NTF3: variants seen among roughly 807,000 people sequenced by gnomAD.
NTF3 encodes neurotrophin-3.
In NTF3, 8 loss-of-function variants were observed where a neutral mutation model predicts 26.3. The observed-to-expected ratio is 0.30, with a 90% CI of 0.18 to 0.55. The LOEUF is 0.55. Ranked by LOEUF, NTF3 falls within the 20% of genes least tolerant of loss-of-function variation. The pLI, the probability that NTF3 is intolerant of heterozygous loss-of-function variation, is 0.93. For missense variants in NTF3, 276 were observed against 352.9 expected (o/e 0.78, Z 1.75); for synonymous variants, 154 against 145.5 (o/e 1.06, Z -0.42).
intron 1 of NTF3, among the ~76,000 whole-genome samples, chr12:5,470,914 A>G (rs1214112815): frequency 1.3e-5 from 2 of 152,192 alleles, no homozygotes; most frequent in Non-Finnish European, 2.9e-5. Context: ...ATACATATGT[A>G]TGTCTCTCAG....
intron 1 of NTF3, among the ~76,000 whole-genome samples, chr12:5,463,070 A>G (rs532291039): frequency 6.6e-6 from 1 of 152,278 alleles, no homozygotes; most frequent in African/African-American, 2.4e-5. Flanking sequence ...GAAGACTGGA[A>G]AGTGGTCTGC....
chr12:5,450,945 C>G (rs951588862), intron 1 of NTF3, among the ~76,000 whole-genome samples: 1 of 152,168 alleles, frequency 6.6e-6, no homozygotes, highest in Non-Finnish European at 1.5e-5. Context: ...GACTGAGTAA[C>G]TCATCCAAGA....
At chr12:5,440,163 TAAG>T (rs1227013094) in intron 1 of NTF3, among the ~76,000 whole-genome samples, 2 of 152,220 alleles carry the variant, frequency 1.3e-5, no homozygotes, top group Middle Eastern at 3.2e-3. Context: ...TCAAGACAGT[TAAG>T]GACAGGTGAC....
Position 5,494,685 on chromosome 12 carries a change from G to C in NTF3, c.510G>C (p.Leu170=). 6.2e-7 allele frequency: 1 copy of C among 1,614,216 alleles called. No homozygotes were observed. The highest frequency in any genetic ancestry group is 8.5e-7 in the Non-Finnish European group (1 of 1,180,050). Residue 170 remains leucine, a synonymous_variant, in exon 2 of 2, where the codon CTG becomes CTC. Transcript: ENST00000423158. This position sits in a 1 kb window ranked among gnomAD's most constrained non-coding sequence, Gnocchi z 8.3. ...GEYSVCDSES[L]WVTDKSSAID... ...ACTCGGTATGTGACAGTGAGAGTCT[G>C]TGGGTGACCGACAAGTCATCGGCCA...
intron 1 of NTF3, among the ~76,000 whole-genome samples, chr12:5,435,561 G>A (rs536558799): frequency 2.0e-5 from 3 of 152,154 alleles, no homozygotes; most frequent in South Asian, 2.1e-4. Context: ...GGAGCTGGAC[G>A]GTGTTGTTGT....
Position 5,432,148 on chromosome 12 carries a change from G to A in NTF3, c.-177G>A. 1 of 722,922 alleles carries A rather than the reference G, an allele frequency of 1.4e-6. No individual in the cohort carries two copies. The highest frequency in any genetic ancestry group is 1.7e-5 in the African/African-American group (1 of 57,776). 44.8% of individuals were successfully genotyped at this position (722,922 alleles called of 1,614,324 possible). A position where few individuals can be genotyped will look rare whatever the true frequency, so the allele number is the denominator to read the frequency against. ...TCCTCTCCCTTCCGAACAGCTCCGC[G>A]CACCGCCCCGCGACGCAGCCCGGCG... On this transcript the variant is annotated 5_prime_UTR_variant, in exon 1 of 2. Transcript: ENST00000423158.
chr12:5,432,556 T>TACAC lies in NTF3; in HGVS notation c.18+262_18+265dup, dbSNP rs57075143. 2.7e-3 allele frequency among the ~76,000 whole-genome samples: 332 copies of TACAC among 124,066 alleles called. 1 individual carries two copies. The highest frequency in any genetic ancestry group is 7.1e-3 in the African/African-American group (220 of 31,130). 81.4% of individuals were successfully genotyped at this position (124,066 alleles called of 152,430 possible). A position where few individuals can be genotyped will look rare whatever the true frequency, so the allele number is the denominator to read the frequency against. ...CGAAGCGCAACCGCAGCCACCCCGCTACACACACACACACACACACACACA... is the reference window on the plus strand; with the variant it reads ...CGAAGCGCAACCGCAGCCACCCCGCTACACACACACACACACACACACACACACA... On this transcript the variant is annotated intron_variant, in intron 1 of 1. Coordinates refer to ENST00000423158, the MANE Select transcript of NTF3 (RefSeq NM_001102654.2).
At chr12:5,463,141 C>CAGACT (rs1449145229) in intron 1 of NTF3, among the ~76,000 whole-genome samples, 1 of 152,176 alleles carries the variant, frequency 6.6e-6, no homozygotes, top group Non-Finnish European at 1.5e-5. Context: ...ACCCTGCCTC[C>CAGACT]AGACTAGTAA....
At chr12:5,468,721 G>A (rs543466262) in intron 1 of NTF3, among the ~76,000 whole-genome samples, 2 of 152,284 alleles carry the variant, frequency 1.3e-5, no homozygotes, top group South Asian at 4.2e-4. Flanking sequence ...CGCTTATGCT[G>A]GGATGTAGTG....
At chr12:5,435,316 A>G (rs191959853) in intron 1 of NTF3, among the ~76,000 whole-genome samples, 1 of 152,354 alleles carries the variant, frequency 6.6e-6, no homozygotes, top group Admixed American at 6.5e-5. Flanking sequence ...GTACTGGGGC[A>G]TGGCACACTG....
At chr12:5,489,561 A>G (rs1940908343) in intron 1 of NTF3, among the ~76,000 whole-genome samples, 1 of 152,194 alleles carries the variant, frequency 6.6e-6, no homozygotes, top group Non-Finnish European at 1.5e-5. Context: ...AGGATTTAAG[A>G]TTTATGTAAG....
At chr12:5,449,209 G>C (rs1940343212) in intron 1 of NTF3, among the ~76,000 whole-genome samples, 1 of 152,206 alleles carries the variant, frequency 6.6e-6, no homozygotes, top group Non-Finnish European at 1.5e-5. Flanking sequence ...AAACAAGTGT[G>C]GAGTGTCGAG....
At chr12:5,492,894 CCTCT>C (rs759058076) in intron 1 of NTF3, among the ~76,000 whole-genome samples, 2 of 152,208 alleles carry the variant, frequency 1.3e-5, no homozygotes, top group Admixed American at 1.3e-4. Context: ...TTGTTTATTT[CCTCT>C]CTATTTTCCC....
intron 1 of NTF3, among the ~76,000 whole-genome samples, chr12:5,437,650 G>A (rs1243073030): frequency 6.6e-6 from 1 of 152,218 alleles, no homozygotes; most frequent in Non-Finnish European, 1.5e-5. Flanking sequence ...CTCACCCGCG[G>A]CTGTTTTACT....
At position 5,478,546 on chromosome 12, in the gene NTF3, C is replaced by T. The variant is rs754786056; in HGVS notation, c.19-15648C>T. On this transcript the variant is annotated intron_variant, in intron 1 of 1. Transcript: ENST00000423158. ...GTCACTCATGGCTCATACGGGCCTG[C>T]GGCCCGATAGGCCTCCCCATGGGGC... Among the ~76,000 whole-genome samples the T allele has an allele frequency of 1.4e-4, 21 of 152,248 alleles. No homozygotes were observed. The East Asian group carries it at 1.7e-3, about 13-fold the overall frequency.
Position 5,494,509 on chromosome 12 carries a change from T to C in NTF3, c.334T>C (p.Tyr112His). ...DTELLRQQRR[Y>H]NSPRVLLSDS... ...CGAACTGCTGCGACAACAGAGACGC[T>C]ACAACTCACCGCGGGTCCTGCTGAG... Residue 112 changes from tyrosine (Y) to histidine (H), a missense_variant, in exon 2 of 2, where the codon TAC becomes CAC. This residue lies in a region of NTF3 where 221 missense variants were observed against 258.2 expected (regional missense o/e 0.86). Coordinates refer to ENST00000423158, the MANE Select transcript of NTF3 (RefSeq NM_001102654.2). The surrounding 1 kb of genome is among the most constrained non-coding windows in gnomAD (Gnocchi z 8.3). The C allele has an allele frequency of 1.9e-6, 3 of 1,613,916 alleles. No homozygotes were observed. Among genetic ancestry groups the C allele is most frequent in the South Asian group, 1.1e-5 (1 of 91,056 alleles).
At chr12:5,431,640 G>C (rs2121124000), upstream of NTF3, among the ~76,000 whole-genome samples, 1 of 152,228 alleles carries the variant, frequency 6.6e-6, no homozygotes, top group South Asian at 2.1e-4. Flanking sequence ...TTACGCCTCA[G>C]ACCTGATCCT....
intron 1 of NTF3, among the ~76,000 whole-genome samples, chr12:5,487,777 G>T (rs564273830): frequency 1.3e-5 from 2 of 152,128 alleles, no homozygotes; most frequent in South Asian, 4.2e-4. Context: ...CTCTCACCTG[G>T]TTTGACACTA....
At position 5,494,919 on chromosome 12, in the gene NTF3, G is replaced by A. The variant is rs202001745; in HGVS notation, c.744G>A (p.Val248=). The A allele has an allele frequency of 7.4e-6, 12 of 1,614,114 alleles. No individual in the cohort carries two copies. The East Asian group carries it at 2.2e-4, about 30-fold the overall frequency. The change falls in exon 2 of 2, where the codon GTG becomes GTA. Residue 248 remains valine, a synonymous_variant. Transcript: ENST00000423158. The surrounding 1 kb of genome is among the most constrained non-coding windows in gnomAD (Gnocchi z 8.3). ...TGACTTCAGAGAACAATAAACTCGT[G>A]GGCTGGCGGTGGATACGGATAGACA... is the stretch of plus-strand genomic sequence containing the variant. ...RALTSENNKL[V]GWRWIRIDTS...
Sources: gnomAD v4.1 joint callset for allele counts (sites outside exome capture counted in the v4.1 genomes callset) on GRCh38, gnomAD v4.1.1 for gene constraint, gnomAD v4.1.1 regional missense constraint, Gnocchi (gnomAD v3.1) non-coding constraint, MANE v1.5 for transcripts, NCBI Gene and HGNC (gene_info 2026-07-23, HGNC 2026-07-21) for gene names.